PARVA: variants seen among roughly 807,000 people sequenced by gnomAD.
PARVA encodes alpha-parvin.
A neutral mutation model predicts 52.6 loss-of-function variants in PARVA; 25 were observed. That is an observed-to-expected ratio of 0.48 (90% CI 0.35 to 0.66). The LOEUF is 0.66. Ranked by LOEUF, PARVA falls within the 30% of genes least tolerant of loss-of-function variation. PARVA has a pLI of 0.01. For synonymous variants in PARVA, 185 were observed against 179.1 expected (o/e 1.03, Z -0.26); for missense variants, 373 against 450.9 (o/e 0.83, Z 1.56).
chr11:12,460,154 G>A (rs1940757325), intron 1 of PARVA, among the ~76,000 whole-genome samples: 1 of 152,118 alleles, frequency 6.6e-6, no homozygotes, highest in Non-Finnish European at 1.5e-5. Flanking sequence ...TTGTGTTTGG[G>A]GAGCACTTCC....
At chr11:12,496,931 A>G (rs576519693) in intron 5 of PARVA, among the ~76,000 whole-genome samples, 7 of 152,322 alleles carry the variant, frequency 4.6e-5, no homozygotes, top group Admixed American at 3.9e-4. Flanking sequence ...TGTTGTCTGC[A>G]GCTTGGAGAG....
intron 1 of PARVA, among the ~76,000 whole-genome samples, chr11:12,440,899 G>A (rs753769058): frequency 3.0e-4 from 45 of 152,178 alleles, no homozygotes; most frequent in African/African-American, 8.9e-4. Context: ...TTAGGTTTAC[G>A]CAGATCATCT....
chr11:12,379,343 C>G (rs770418794), intron 1 of PARVA, among the ~76,000 whole-genome samples: 8 of 152,138 alleles, frequency 5.3e-5, no homozygotes, highest in Admixed American at 1.3e-4. Context: ...TTACCTGGCC[C>G]CATTCAAGAT....
At chr11:12,385,058 TG>T (rs1939552076) in intron 1 of PARVA, among the ~76,000 whole-genome samples, 1 of 152,124 alleles carries the variant, frequency 6.6e-6, no homozygotes, top group South Asian at 2.1e-4. Context: ...AGAATGAGGC[TG>T]GGCATGGTGG....
intron 1 of PARVA, among the ~76,000 whole-genome samples, chr11:12,440,288 C>T (rs1940446355): frequency 6.6e-6 from 1 of 152,112 alleles, no homozygotes; most frequent in Admixed American, 6.5e-5. Context: ...GGCCAGCAGT[C>T]ATATGTCATC....
intron 1 of PARVA, chr11:12,398,147 G>A (rs1939776538): frequency 6.6e-6 from 1 of 152,158 alleles, no homozygotes; most frequent in Non-Finnish European, 1.5e-5. Flanking sequence ...CCAACTAGGA[G>A]CAGACACCCA....
chr11:12,433,365 T>C (rs1463086021), intron 1 of PARVA, among the ~76,000 whole-genome samples: 6 of 152,228 alleles, frequency 3.9e-5, no homozygotes, highest in Non-Finnish European at 7.3e-5. Flanking sequence ...GGTTCTTCAC[T>C]GGTATCAGCT....
intron 4 of PARVA, among the ~76,000 whole-genome samples, chr11:12,485,488 G>A (rs2135049443): frequency 6.6e-6 from 1 of 152,084 alleles, no homozygotes; most frequent in Non-Finnish European, 1.5e-5. Context: ...ATATATACAG[G>A]GCCACACATT....
intron 5 of PARVA, among the ~76,000 whole-genome samples, chr11:12,500,045 CATA>C (rs1373350417): frequency 6.6e-6 from 1 of 152,098 alleles, no homozygotes; most frequent in Non-Finnish European, 1.5e-5. Flanking sequence ...TGCTTGTAGC[CATA>C]ATGACTTCTT....
intron 4 of PARVA, among the ~76,000 whole-genome samples, chr11:12,490,980 G>A (rs1305497825): frequency 6.6e-6 from 1 of 151,988 alleles, no homozygotes; most frequent in Non-Finnish European, 1.5e-5. Flanking sequence ...GGGAGAAAAT[G>A]GAATGAGAAA....
chr11:12,406,947 G>A (rs1939921636), intron 1 of PARVA, among the ~76,000 whole-genome samples: 1 of 152,088 alleles, frequency 6.6e-6, no homozygotes, highest in African/African-American at 2.4e-5. Flanking sequence ...TGGGATTACA[G>A]GCGTGAGCCA....
rs887551739 is a variant in PARVA, at chr11:12,529,003, C to G, written c.*1078C>G. The G allele has an allele frequency of 6.6e-6, 1 of 152,608 alleles. No individual in the cohort carries two copies. The highest frequency in any genetic ancestry group is 1.5e-5 in the Non-Finnish European group (1 of 68,036). 9.5% of individuals were successfully genotyped at this position (152,608 alleles called of 1,614,324 possible). A position where few individuals can be genotyped will look rare whatever the true frequency, so the allele number is the denominator to read the frequency against. On this transcript the variant is annotated 3_prime_UTR_variant, in exon 13 of 13. Coordinates refer to ENST00000334956, the MANE Select transcript of PARVA (RefSeq NM_018222.5). ...GCAAATGTACAATATGCTCAGGCAC[C>G]GCAGAGAGCTGGGCACGGGCCCATG...
intron 1 of PARVA, among the ~76,000 whole-genome samples, chr11:12,428,263 A>G (rs1038542343): frequency 1.3e-5 from 2 of 152,148 alleles, no homozygotes; most frequent in South Asian, 2.1e-4. Flanking sequence ...TGGTTTTTCT[A>G]TATCGTGTGC....
At chr11:12,393,294 A>G (rs61875436) in intron 1 of PARVA, among the ~76,000 whole-genome samples, 33,763 of 152,030 alleles carry the variant, frequency 0.22, 4,645 homozygotes, top group African/African-American at 0.39. Context: ...CACAAAATAC[A>G]TATTAATATT....
intron 12 of PARVA, among the ~76,000 whole-genome samples, chr11:12,521,416 T>C (rs963798528): frequency 6.6e-6 from 1 of 152,242 alleles, no homozygotes; most frequent in African/African-American, 2.4e-5. Context: ...GTGTTCTAAA[T>C]TGCTAGAACC....
rs1940969893 is a variant in PARVA, at chr11:12,473,976, T to C, written c.290T>C (p.Leu97Pro). The C allele has an allele frequency of 6.3e-7, 1 of 1,575,094 alleles. No homozygotes were observed. The highest frequency in any genetic ancestry group is 1.4e-5 in the African/African-American group (1 of 74,068). ...CGCAGTGACCCCAAGCTTCAAGAAC[T>C]GATGAAGGTAAGAAGAAATCAGGAG... The part of the protein sequence containing the change: ...NSRSDPKLQE[L>P]MKVLIDWIND... The change falls in exon 3 of 13, where the codon CTG becomes CCG. Residue 97 changes from leucine to proline, a missense_variant. By Grantham distance (98) the Leu-to-Pro change is moderately conservative. Coordinates refer to ENST00000334956, the MANE Select transcript of PARVA (RefSeq NM_018222.5).
chr11:12,386,397 T>C lies in PARVA; in HGVS notation c.136+8614T>C, dbSNP rs139753343. On this transcript the variant is annotated intron_variant, in intron 1 of 12. Transcript: ENST00000334956. ...TTCCGTTTCCTATACAACCAACTTC[T>C]GTTCATTCATAAAGACCCAACTCAG... Among the ~76,000 whole-genome samples, 286 of 152,348 alleles carry C rather than the reference T, an allele frequency of 1.9e-3. 5 individuals carry two copies. Among genetic ancestry groups the C allele is most frequent in the Middle Eastern group, 6.8e-3 (2 of 294 alleles).
intron 1 of PARVA, among the ~76,000 whole-genome samples, chr11:12,443,260 A>C (rs945526021): frequency 3.7e-5 from 5 of 136,580 alleles, no homozygotes; most frequent in Non-Finnish European, 7.6e-5. Context: ...CAACCTTCGC[A>C]TCCCGGGTTG....
At chr11:12,399,206 T>C (rs1939791466) in intron 1 of PARVA, among the ~76,000 whole-genome samples, 1 of 152,234 alleles carries the variant, frequency 6.6e-6, no homozygotes, top group Non-Finnish European at 1.5e-5. Context: ...ACATTTACTT[T>C]TCTCTGTTTT....
Sources: allele counts gnomAD v4.1 joint callset (sites outside exome capture counted in the v4.1 genomes callset), GRCh38; gene constraint gnomAD v4.1.1; transcripts MANE v1.5; gene names NCBI Gene and HGNC (gene_info 2026-07-23, HGNC 2026-07-21).